Variants in DENND5B observed in about 807,000 individuals in gnomAD.
The protein encoded by DENND5B is DENN domain containing 5B.
Under a neutral mutation model 140.6 loss-of-function variants are expected in DENND5B, and 34 were observed. That is an observed-to-expected ratio of 0.24 (90% confidence interval 0.18 to 0.32). The LOEUF (loss-of-function observed/expected upper bound fraction) is 0.32. DENND5B is among the 10% of genes least tolerant of loss of function. DENND5B has a pLI of 1.00. For synonymous variants in DENND5B, 551 were observed against 562.1 expected, an observed-to-expected ratio of 0.98 and a Z score of 0.28; for missense variants, 1,142 against 1,560.2, an observed-to-expected ratio of 0.73 and a Z score of 4.52.
At chr12:31,521,022 G>C (rs11051451) in intron 1 of DENND5B, among the ~76,000 whole-genome samples, 1 of 151,758 alleles carries the variant, frequency 6.6e-6, no homozygotes, top group Non-Finnish European at 1.5e-5. Flanking sequence ...TTTTGAACTA[G>C]TCAAGTTTCA....
At chr12:31,497,971 GAA>G (rs2138784831) in intron 1 of DENND5B, among the ~76,000 whole-genome samples, 1 of 146,842 alleles carries the variant, frequency 6.8e-6, no homozygotes, top group South Asian at 2.3e-4. Context: ...GGAGGGAAGG[GAA>G]AGAAAGAGAG....
chr12:31,445,200 T>C (rs970218932), intron 6 of DENND5B, among the ~76,000 whole-genome samples: 4 of 152,194 alleles, frequency 2.6e-5, no homozygotes, highest in African/African-American at 4.8e-5. Flanking sequence ...CATAATTGTA[T>C]AAAATAAGTG....
Position 31,398,212 on chromosome 12 carries a change from C to T in DENND5B, c.3219G>A (p.Arg1073=), listed in dbSNP as rs1941589841. 6.2e-7 allele frequency: 1 copy of T among 1,604,920 alleles called. No homozygotes were observed. The highest frequency in any genetic ancestry group is 2.2e-5 in the East Asian group (1 of 44,606). Residue 1073 remains arginine (R), a synonymous_variant, in exon 17 of 21, where the codon AGG becomes AGA. Coordinates refer to ENST00000389082, the MANE Select transcript of DENND5B (RefSeq NM_144973.4). ...PPQQKSPTTA[R]RLSITSLTGK... The stretch of plus-strand genomic sequence containing the variant: ...CTGTCAGTGAAGTGATGCTCAATCT[C>T]CTAGCCGTGGTGGGTGACTTCTGCT...
chr12:31,392,930 TCTATAA>T (rs1405586321), intron 17 of DENND5B, among the ~76,000 whole-genome samples: 5 of 152,192 alleles, frequency 3.3e-5, no homozygotes, highest in Non-Finnish European at 5.9e-5. Context: ...CCATCTGCAA[TCTATAA>T]CCCTAGCCTA....
At position 31,556,743 on chromosome 12, in the gene DENND5B, T is replaced by A. The variant is rs78226138; in HGVS notation, c.127+33963A>T. 9.6e-3 allele frequency among the ~76,000 whole-genome samples: 1,462 copies of A among 152,318 alleles called. 26 individuals are homozygous for A. The highest frequency in any genetic ancestry group is 0.033 in the African/African-American group (1,384 of 41,570). ...TGATTCTAGGTCTTTCAGTCAGGTC[T>A]GTTTTCTTAACAAAATACACACTGA... On this transcript the variant is annotated intron_variant, in intron 1 of 20. Transcript: ENST00000389082.
At chr12:31,522,810 T>C (rs1947947354) in intron 1 of DENND5B, among the ~76,000 whole-genome samples, 2 of 152,298 alleles carry the variant, frequency 1.3e-5, no homozygotes, top group Middle Eastern at 3.4e-3. Flanking sequence ...AAAGTATCCA[T>C]GACAAAAACA....
intron 14 of DENND5B, among the ~76,000 whole-genome samples, chr12:31,406,947 C>T (rs1047281029): frequency 2.0e-5 from 3 of 151,064 alleles, no homozygotes; most frequent in Non-Finnish European, 4.4e-5. Context: ...CTAAAGCAAG[C>T]GCCACCACGT....
intron 1 of DENND5B, among the ~76,000 whole-genome samples, chr12:31,538,250 G>C (rs771303187): frequency 1.3e-5 from 2 of 152,090 alleles, no homozygotes; most frequent in Non-Finnish European, 2.9e-5. Context: ...CTCAAGGATG[G>C]ACCATATGTT....
chr12:31,524,797 C>G (rs1948028695), intron 1 of DENND5B, among the ~76,000 whole-genome samples: 2 of 152,102 alleles, frequency 1.3e-5, no homozygotes. Flanking sequence ...CTTAGAGACC[C>G]AGTTTTCTAT....
intron 3 of DENND5B, among the ~76,000 whole-genome samples, chr12:31,472,666 T>C (rs952506296): frequency 2.6e-5 from 4 of 152,016 alleles, no homozygotes; most frequent in African/African-American, 9.7e-5. Context: ...TTCCCAAAAT[T>C]AAAGGGCTCA....
intron 1 of DENND5B, among the ~76,000 whole-genome samples, chr12:31,580,492 T>C (rs924750621): frequency 2.0e-5 from 3 of 152,082 alleles, no homozygotes; most frequent in Non-Finnish European, 2.9e-5. Flanking sequence ...TTTTATTTAT[T>C]TTATTTTATT....
chr12:31,572,537 C>T (rs1003231458), intron 1 of DENND5B, among the ~76,000 whole-genome samples: 1 of 39,454 alleles, frequency 2.5e-5, no homozygotes, highest in Non-Finnish European at 4.4e-5. Context: ...TTTACTCTTT[C>T]TCAAAAAAAA....
intron 3 of DENND5B, chr12:31,465,136 T>C (rs971491843): frequency 6.6e-6 from 1 of 152,282 alleles, no homozygotes; most frequent in Non-Finnish European, 1.5e-5. Context: ...CCAGCATCAC[T>C]GTGGAGAATA....
chr12:31,558,995 T>C (rs1431321710), intron 1 of DENND5B, among the ~76,000 whole-genome samples: 1 of 152,192 alleles, frequency 6.6e-6, no homozygotes, highest in Non-Finnish European at 1.5e-5. Context: ...AAAGAAAATA[T>C]ACTTGTCCCT....
At chr12:31,493,761 G>A (rs1228036930) in intron 2 of DENND5B, among the ~76,000 whole-genome samples, 1 of 152,208 alleles carries the variant, frequency 6.6e-6, no homozygotes, top group Non-Finnish European at 1.5e-5. Context: ...AACCCAGGAG[G>A]TGGAGGTTGC....
chr12:31,404,520 C>G (rs1942006104), intron 14 of DENND5B, among the ~76,000 whole-genome samples: 1 of 152,196 alleles, frequency 6.6e-6, no homozygotes, highest in Non-Finnish European at 1.5e-5. Flanking sequence ...GTGGCACATT[C>G]TTGGCTCACT....
At chr12:31,574,504 C>T (rs1043812020) in intron 1 of DENND5B, among the ~76,000 whole-genome samples, 2 of 151,906 alleles carry the variant, frequency 1.3e-5, no homozygotes, top group South Asian at 2.1e-4. Flanking sequence ...GCAGAAGAAT[C>T]GCTTGAACCT....
intron 1 of DENND5B, among the ~76,000 whole-genome samples, chr12:31,547,729 G>T (rs908229497): frequency 6.6e-6 from 1 of 150,938 alleles, no homozygotes; most frequent in Non-Finnish European, 1.5e-5. Context: ...TTTTGAGACG[G>T]AGTTTTGCTC....
chr12:31,410,567 A>G (rs1942393215), intron 13 of DENND5B, among the ~76,000 whole-genome samples: 1 of 151,930 alleles, frequency 6.6e-6, no homozygotes. Context: ...TACCACACTC[A>G]ACTAATTTTT....
Sources: gnomAD v4.1 joint callset for allele counts (sites outside exome capture counted in the v4.1 genomes callset) on GRCh38, gnomAD v4.1.1 for gene constraint, MANE v1.5 for transcripts, NCBI Gene and HGNC (gene_info 2026-07-23, HGNC 2026-07-21) for gene names.